ORC3: variants seen among roughly 807,000 people sequenced by gnomAD.
ORC3 encodes the protein homolog of latheo, Drosophila.
A neutral mutation model predicts 100.7 loss-of-function variants in ORC3; 78 were observed. The observed-to-expected ratio is 0.77, with a 90% CI of 0.65 to 0.94. ORC3 has a LOEUF of 0.94. ORC3 is among the 40% of genes least tolerant of loss of function. The pLI is 0.00. For missense variants in ORC3, 789 were observed against 823.9 expected (o/e 0.96, Z 0.52); for synonymous variants, 295 against 289.3 (o/e 1.02, Z -0.20).
At chr6:87,599,658 G>A (rs1173550269) in intron 2 of ORC3, among the ~76,000 whole-genome samples, 17 of 150,546 alleles carry the variant, frequency 1.1e-4, no homozygotes, top group Admixed American at 1.1e-3. Flanking sequence ...GTGCCACCAC[G>A]CTGGCCTGCT....
the ORC3 span, chr6:87,675,691 C>G: frequency 6.4e-7 from 1 of 1,566,440 alleles, no homozygotes; most frequent in Non-Finnish European, 8.7e-7. Flanking sequence ...AATTTTGCCC[C>G]TAGGTATTTA....
intron 1 of ORC3, among the ~76,000 whole-genome samples, chr6:87,593,340 A>G (rs777951655): frequency 3.3e-5 from 5 of 152,262 alleles, no homozygotes. Context: ...ATTATAAATA[A>G]AATACAGTTT....
At chr6:87,628,567 A>G (rs1780089087) in intron 11 of ORC3, among the ~76,000 whole-genome samples, 1 of 152,198 alleles carries the variant, frequency 6.6e-6, no homozygotes, top group Non-Finnish European at 1.5e-5. Flanking sequence ...TAGACTTTAA[A>G]TCCTTTTAGA....
intron 12 of ORC3, 46 bp downstream of exon 12, chr6:87,635,007 GTATT>G (rs1767707351): frequency 1.0e-6 from 1 of 991,794 alleles, no homozygotes; most frequent in African/African-American, 1.6e-5. Context: ...AGGAATGTTA[GTATT>G]TTCTTGCTTT....
Position 87,664,433 on chromosome 6 carries a change from T to C in ORC3, c.1834-310T>C, listed in dbSNP as rs7757854. ...CATTTTATTAAGTATTCCTAAAGAT[T>C]TCCATAAACTTTTTACATTAAGTGC... On this transcript the variant is annotated intron_variant, in intron 17 of 19. Coordinates refer to ENST00000392844, the MANE Select transcript of ORC3 (RefSeq NM_012381.4). 9.2e-3 allele frequency among the ~76,000 whole-genome samples: 1,405 copies of C among 152,306 alleles called. 21 individuals are homozygous for C. Among genetic ancestry groups the C allele is most frequent in the African/African-American group, 0.032 (1,310 of 41,548 alleles).
intron 11 of ORC3, among the ~76,000 whole-genome samples, chr6:87,630,140 G>C (rs1052223551): frequency 6.6e-6 from 1 of 152,130 alleles, no homozygotes; most frequent in Non-Finnish European, 1.5e-5. Context: ...ACTTAAAAGA[G>C]AGACTGAGGC....
At chr6:87,625,673 C>T (rs1693637330) in intron 11 of ORC3, among the ~76,000 whole-genome samples, 1 of 152,158 alleles carries the variant, frequency 6.6e-6, no homozygotes, top group South Asian at 2.1e-4. Context: ...GTTTATTTTG[C>T]TGTGCAGAAG....
At chr6:87,598,586 A>G (rs1278933897) in intron 2 of ORC3, among the ~76,000 whole-genome samples, 4 of 151,782 alleles carry the variant, frequency 2.6e-5, no homozygotes. Flanking sequence ...GGATTGGTTT[A>G]TAGTTTTTAG....
intron 9 of ORC3, 29 bp from the exon 10 acceptor site, chr6:87,621,325 A>C (rs370737438): frequency 1.5e-5 from 22 of 1,457,780 alleles, no homozygotes; most frequent in African/African-American, 1.5e-4. Context: ...AAATATAACA[A>C]ATATGTTTAA....
At chr6:87,636,933 G>A (rs1453524913) in intron 13 of ORC3, among the ~76,000 whole-genome samples, 1 of 152,154 alleles carries the variant, frequency 6.6e-6, no homozygotes, top group Non-Finnish European at 1.5e-5. Flanking sequence ...GCAAGGAGTA[G>A]GCAGTGGCCT....
chr6:87,666,748 A>G (rs560035267), intron 19 of ORC3, among the ~76,000 whole-genome samples: 9 of 151,930 alleles, frequency 5.9e-5, no homozygotes, highest in Admixed American at 2.0e-4. Flanking sequence ...TGAATTCTCT[A>G]TTTTTCTAAT....
chr6:87,664,341 G>A (rs533419562), intron 17 of ORC3, among the ~76,000 whole-genome samples: 14 of 152,100 alleles, frequency 9.2e-5, no homozygotes, highest in South Asian at 8.3e-4. Flanking sequence ...CTGGTAAGTG[G>A]TATTAGTATT....
chr6:87,677,790 C>T, the ORC3 span: 2 of 1,602,802 alleles, frequency 1.2e-6, no homozygotes, highest in Non-Finnish European at 1.7e-6. Context: ...CTGAGTTCCT[C>T]AGAAACTCTA....
intron 15 of ORC3, among the ~76,000 whole-genome samples, chr6:87,657,421 C>A (rs1279297329): frequency 6.6e-6 from 1 of 152,104 alleles, no homozygotes; most frequent in East Asian, 1.9e-4. Flanking sequence ...CACAGTATAT[C>A]CAATATATTC....
At chr6:87,602,954 A>AATATATATATATATATATATATT (rs397935596) in intron 3 of ORC3, among the ~76,000 whole-genome samples, 4 of 95,272 alleles carry the variant, frequency 4.2e-5, no homozygotes, top group Admixed American at 1.4e-4. Flanking sequence ...ACACATATAT[A>AATATATATATATATATATATATT]ATATATATAT....
At chr6:87,611,236 C>T (rs2128254252) in intron 7 of ORC3, among the ~76,000 whole-genome samples, 1 of 152,100 alleles carries the variant, frequency 6.6e-6, no homozygotes, top group Non-Finnish European at 1.5e-5. Flanking sequence ...CGCACCCAGC[C>T]CAGATCCTAG....
rs1315178907 is a variant in ORC3 at position 87,598,362 on chromosome 6, AG to A, written c.80-3420del. Among the ~76,000 whole-genome samples, 6 of 152,312 alleles carry A rather than the reference AG, an allele frequency of 3.9e-5. No homozygotes were observed. In the East Asian group the frequency reaches 1.2e-3, roughly 29 times the overall value. ...TGATTAATCCCCTCAGCAAACTACAAGGAATGTATTATCGCCATTGAAATAT... is the reference window on the plus strand; with the variant it reads ...TGATTAATCCCCTCAGCAAACTACAAGAATGTATTATCGCCATTGAAATAT... On this transcript the variant is annotated intron_variant, in intron 2 of 19. Coordinates refer to ENST00000392844, the MANE Select transcript of ORC3 (RefSeq NM_012381.4).
Position 87,607,748 on chromosome 6 carries a change from A to C in ORC3, c.503A>C (p.Glu168Ala), listed in dbSNP as rs747488413. ...CCVDIKSKEE[E>A]SVHVTQRKTH... The stretch of plus-strand genomic sequence containing the variant: ...GTAGATATAAAATCCAAAGAGGAGG[A>C]AAGTGTTCACGTCACCCAAAGAAAG... The change falls in exon 6 of 20, where the codon GAA becomes GCA. Residue 168 changes from glutamate to alanine, a missense_variant. Physicochemically the swap from Glu to Ala is moderately radical, Grantham distance 107. This residue lies in a region of ORC3 where 399 missense variants were observed against 382.0 expected (regional missense o/e 1.04). Transcript: ENST00000392844. 6.2e-7 allele frequency: 1 copy of C among 1,612,486 alleles called. No individual in the cohort carries two copies. The highest frequency in any genetic ancestry group is 8.5e-7 in the Non-Finnish European group (1 of 1,178,848).
intron 13 of ORC3, among the ~76,000 whole-genome samples, chr6:87,642,121 C>A (rs1052392216): frequency 2.0e-5 from 3 of 152,076 alleles, no homozygotes; most frequent in Admixed American, 1.3e-4. Flanking sequence ...CATGGAGAAA[C>A]CCCATCTCTA....
Sources: allele counts gnomAD v4.1 joint callset (sites outside exome capture counted in the v4.1 genomes callset), GRCh38; gene constraint gnomAD v4.1.1; regional missense constraint gnomAD v4.1.1; transcripts MANE v1.5; gene names NCBI Gene and HGNC (gene_info 2026-07-23, HGNC 2026-07-21).